Variants in EPHA10 observed in about 807,000 individuals in gnomAD.
The protein encoded by EPHA10 is EPH receptor A10.
A neutral mutation model predicts 109.7 loss-of-function variants in EPHA10; 120 were observed. The ratio of observed to expected loss-of-function variants is 1.09; its 90% CI spans 0.94 to 1.27. The LOEUF (loss-of-function observed/expected upper bound fraction) is 1.27. Ranked by LOEUF, EPHA10 falls within the 50% of genes most tolerant of loss-of-function variation. EPHA10 has a pLI of 0.00. For synonymous variants in EPHA10, 640 were observed against 618.9 expected, an observed-to-expected ratio of 1.03 and a Z score of -0.51; for missense variants, 1,396 against 1,411.1, an observed-to-expected ratio of 0.99 and a Z score of 0.17.
chr1:37,753,276 G>C, intron 4 of EPHA10, 50 bp from the exon 5 acceptor site: 1 of 819,722 alleles, frequency 1.2e-6, no homozygotes, highest in South Asian at 4.6e-5. Flanking sequence ...GGGTGCCCGT[G>C]AGAGGGGCGG....
At position 37,718,758 on chromosome 1, in the gene EPHA10, C is replaced by G. The variant is rs768535760; in HGVS notation, c.2815G>C (p.Gly939Arg). 1.9e-6 allele frequency: 3 copies of G among 1,613,146 alleles called. No individual in the cohort carries two copies. The Admixed American group carries it at 5.0e-5, about 27-fold the overall frequency. ...FSTFPSFGSV[G>R]AWLEALDLCR... ...AGGTCCAGGGCCTCCAGCCACGCGCCCACAGAGCCAAAGGAGGGGAAGGTG... is the reference window on the plus strand; with the variant it reads ...AGGTCCAGGGCCTCCAGCCACGCGCGCACAGAGCCAAAGGAGGGGAAGGTG... Residue 939 changes from glycine (G) to arginine (R), a missense_variant, in exon 16 of 17, where the codon GGC becomes CGC. Physicochemically the swap from Gly to Arg is moderately radical, Grantham distance 125 (BLOSUM62 -2). Coordinates refer to ENST00000373048, the MANE Select transcript of EPHA10 (RefSeq NM_001099439.2).
rs866553187 is a variant in EPHA10 at position 37,716,728 on chromosome 1, G to A, written c.*1644C>T. 4.3e-6 allele frequency: 1 copy of A among 232,842 alleles called. No individual in the cohort carries two copies. The highest frequency in any genetic ancestry group is 5.6e-5 in the Admixed American group (1 of 17,772). 14.4% of individuals were successfully genotyped at this position (232,842 alleles called of 1,614,324 possible). A position where few individuals can be genotyped will look rare whatever the true frequency, so the allele number is the denominator to read the frequency against. On this transcript the variant is annotated 3_prime_UTR_variant, in exon 17 of 17. Transcript: ENST00000373048. ...CTCTCTGCATGGACTCCTTTTGTCCGAGGCCTGCCATCTTGCCTGCCGAAA... is the reference window on the plus strand; with the variant it reads ...CTCTCTGCATGGACTCCTTTTGTCCAAGGCCTGCCATCTTGCCTGCCGAAA...
intron 7 of EPHA10, among the ~76,000 whole-genome samples, chr1:37,727,662 T>C (rs1158842108): frequency 2.0e-5 from 3 of 152,254 alleles, no homozygotes; most frequent in Non-Finnish European, 4.4e-5. Context: ...CTATACTGTC[T>C]TGTTTCATCT....
chr1:37,750,580 C>CT lies in EPHA10; in HGVS notation c.1357+2295dup, dbSNP rs1224590675. ...TAGTCAAAGCAGTGGCTGAATAAAA[C>CT]TTTTTTTTTTTTTTTAAGAGACATA... is the stretch of plus-strand genomic sequence containing the variant. On this transcript the variant is annotated intron_variant, in intron 5 of 16. Coordinates refer to ENST00000373048, the MANE Select transcript of EPHA10 (RefSeq NM_001099439.2). Among the ~76,000 whole-genome samples the CT allele has an allele frequency of 3.2e-3, 448 of 141,740 alleles. 3 individuals are homozygous for CT. Among genetic ancestry groups the CT allele is most frequent in the East Asian group, 0.029 (140 of 4,900 alleles). The allele number at this position is 141,740 out of a possible 152,430, so 93.0% of individuals were successfully genotyped here. A position where few individuals can be genotyped will look rare whatever the true frequency, so the allele number is the denominator to read the frequency against.
chr1:37,715,671 A>G (rs1252969236), downstream of EPHA10, among the ~76,000 whole-genome samples: 1 of 152,076 alleles, frequency 6.6e-6, no homozygotes, highest in Non-Finnish European at 1.5e-5. Context: ...CCTCCCTGGT[A>G]CTGTCTATCC....
In EPHA10 at chr1:37,720,410, T is replaced by G; in HGVS notation, c.2353A>C (p.Lys785Gln). Reference protein sequence around the residue: ...HVLVSSDLVCKISGFGRGPRD... With the variant: ...HVLVSSDLVCQISGFGRGPRD... ...GGGCCCCGCCCGAAGCCAGAGATCT[T>G]GCAGACAAGGTCGCTGCTGACCAGC... is the stretch of plus-strand genomic sequence containing the variant. The change falls in exon 13 of 17, where the codon AAG becomes CAG. Residue 785 changes from lysine to glutamine, a missense_variant. Lys to Gln is a moderately conservative substitution (Grantham distance 53). Coordinates refer to ENST00000373048, the MANE Select transcript of EPHA10 (RefSeq NM_001099439.2). 2 of 1,613,400 alleles carry G rather than the reference T, an allele frequency of 1.2e-6. No individual in the cohort carries two copies. The highest frequency in any genetic ancestry group is 1.7e-6 in the Non-Finnish European group (2 of 1,179,992).
At chr1:37,726,982 G>A (rs1645902407) in intron 8 of EPHA10, 120 bp downstream of exon 8, 1 of 686,598 alleles carries the variant, frequency 1.5e-6, no homozygotes, top group Admixed American at 3.1e-5. Flanking sequence ...TTGTACAGCA[G>A]TGTGCTTGCA....
chr1:37,723,524 C>G (rs1569640729), intron 8 of EPHA10, 152 bp from the exon 9 acceptor site: 2 of 897,612 alleles, frequency 2.2e-6, no homozygotes, highest in East Asian at 5.3e-5. Context: ...AAAAGCTTCT[C>G]TGTGGTTTGA....
chr1:37,761,336 G>C (rs1161335741), intron 3 of EPHA10, 69 bp downstream of exon 3: 1 of 1,574,504 alleles, frequency 6.4e-7, no homozygotes, highest in Admixed American at 1.7e-5. Flanking sequence ...TTTCCTCTAG[G>C]GCACACTCTC....
intron 7 of EPHA10, among the ~76,000 whole-genome samples, chr1:37,730,635 A>G (rs1645965591): frequency 6.6e-6 from 1 of 152,130 alleles, no homozygotes; most frequent in South Asian, 2.1e-4. Context: ...TGGTTTTGGT[A>G]ACAGCTTTAT....
intron 5 of EPHA10, among the ~76,000 whole-genome samples, chr1:37,748,536 G>A (rs988838431): frequency 2.0e-5 from 3 of 152,094 alleles, no homozygotes; most frequent in Non-Finnish European, 4.4e-5. Flanking sequence ...CATCCCCATA[G>A]TGCCAAAACT....
chr1:37,751,062 G>A lies in EPHA10; in HGVS notation c.1357+1814C>T, dbSNP rs972080785. ...CTACTAAAAATACAAAAAATTAGCC[G>A]GGTGTGGCTGCATGCCCCTGTAGTC... On this transcript the variant is annotated intron_variant, in intron 5 of 16. Coordinates refer to ENST00000373048, the MANE Select transcript of EPHA10 (RefSeq NM_001099439.2). Among the ~76,000 whole-genome samples the A allele has an allele frequency of 9.9e-5, 15 of 151,584 alleles. No homozygotes were observed. The South Asian group carries it at 1.7e-3, about 17-fold the overall frequency.
At position 37,754,371 on chromosome 1, in the gene EPHA10, C is replaced by G. The variant is rs375215570; in HGVS notation, c.851-1G>C. The G allele has an allele frequency of 4.1e-4, 531 of 1,303,730 alleles. No homozygotes were observed. Among genetic ancestry groups the G allele is most frequent in the Non-Finnish European group, 4.5e-4 (457 of 1,020,686 alleles). The allele number at this position is 1,303,730 out of a possible 1,614,324, so 80.8% of individuals were successfully genotyped here. A position where few individuals can be genotyped will look rare whatever the true frequency, so the allele number is the denominator to read the frequency against. The stretch of plus-strand genomic sequence containing the variant: ...ACCTTGTAAAACCCTGGGGGACAGG[C>G]TGCAGGGCATGGCTGGTGAGAAGAG... On this transcript the variant is annotated splice_acceptor_variant, in intron 3 of 16. Coordinates refer to ENST00000373048, the MANE Select transcript of EPHA10 (RefSeq NM_001099439.2). LOFTEE classifies it high-confidence loss of function. This position sits in a 1 kb window ranked among gnomAD's most constrained non-coding sequence, Gnocchi z 4.5.
At chr1:37,744,892 T>G (rs589702) in intron 5 of EPHA10, among the ~76,000 whole-genome samples, 51,747 of 152,036 alleles carry the variant, frequency 0.34, 8,872 homozygotes, top group East Asian at 0.48. Flanking sequence ...AGGTCATTAG[T>G]GTGGGCCCTA....
Position 37,753,066 on chromosome 1 carries a change from G to A in EPHA10, c.1167C>T (p.Cys389=), listed in dbSNP as rs535845844. The change falls in exon 5 of 17, where the codon TGC becomes TGT. Residue 389 remains cysteine, a synonymous_variant. Transcript: ENST00000373048. ...RCGREGPAGA[C]EPCGPRVAFL... is the part of the protein sequence containing the mutation. ...AGGCCACGCGCGGCCCGCACGGCTC[G>A]CAGGCGCCCGCCGGGCCCTCGCGGC... 2.4e-6 allele frequency: 3 copies of A among 1,275,120 alleles called. No individual in the cohort carries two copies. Among genetic ancestry groups the A allele is most frequent in the South Asian group, 4.7e-5 (2 of 42,576 alleles). The allele number at this position is 1,275,120 out of a possible 1,614,324, so 79.0% of individuals were successfully genotyped here. A position where few individuals can be genotyped will look rare whatever the true frequency, so the allele number is the denominator to read the frequency against.
chr1:37,719,773 G>T, intron 14 of EPHA10, 136 bp downstream of exon 14: 1 of 1,500,530 alleles, frequency 6.7e-7, no homozygotes, highest in Non-Finnish European at 9.1e-7. Context: ...GCAGTGGCCA[G>T]GCAGAACCAG....
At chr1:37,745,062 A>G (rs1646209974) in intron 5 of EPHA10, among the ~76,000 whole-genome samples, 1 of 152,200 alleles carries the variant, frequency 6.6e-6, no homozygotes, top group Non-Finnish European at 1.5e-5. Context: ...AAACATAAGA[A>G]GCTGAAAGGC....
chr1:37,763,662 T>TAGAG (rs10607448), intron 1 of EPHA10, among the ~76,000 whole-genome samples: 1 of 150,140 alleles, frequency 6.7e-6, no homozygotes, highest in Non-Finnish European at 1.5e-5. Flanking sequence ...AAGAGTCAAT[T>TAGAG]AGAGAGAGAG....
intron 5 of EPHA10, among the ~76,000 whole-genome samples, chr1:37,742,042 A>G (rs969829310): frequency 3.3e-5 from 5 of 152,246 alleles, no homozygotes; most frequent in Non-Finnish European, 5.9e-5. Context: ...GGAAAGCATC[A>G]GATGGCCAGG....
Sources: gnomAD v4.1 joint callset for allele counts (sites outside exome capture counted in the v4.1 genomes callset) on GRCh38, gnomAD v4.1.1 for gene constraint, Gnocchi (gnomAD v3.1) non-coding constraint, MANE v1.5 for transcripts, NCBI Gene and HGNC (gene_info 2026-07-23, HGNC 2026-07-21) for gene names.